The following WT1 variants were observed in gnomAD, a reference collection of about 807,000 sequenced individuals.
WT1 encodes WT1 transcription factor.
In WT1, 8 loss-of-function variants were observed where a neutral mutation model predicts 60.8. That is an observed-to-expected ratio of 0.13 (90% CI 0.08 to 0.24). The LOEUF (loss-of-function observed/expected upper bound fraction) is 0.24, where lower values mean the gene tolerates loss of function less well. Ranked by LOEUF, WT1 falls within the 10% of genes least tolerant of loss-of-function variation. WT1 has a pLI of 1.00. For synonymous variants in WT1, 312 were observed against 297.1 expected (o/e 1.05, Z -0.52); for missense variants, 568 against 711.8 (o/e 0.80, Z 2.30).
intron 3 of WT1, among the ~76,000 whole-genome samples, chr11:32,425,690 G>A (rs1222244675): frequency 6.6e-6 from 1 of 152,126 alleles, no homozygotes; most frequent in African/African-American, 2.4e-5. Flanking sequence ...CTTCCTACAG[G>A]GGTCACAAAT....
chr11:32,426,716 C>T (rs910959893), intron 3 of WT1, among the ~76,000 whole-genome samples: 1 of 152,188 alleles, frequency 6.6e-6, no homozygotes, highest in Non-Finnish European at 1.5e-5. Flanking sequence ...TTCTCCAGTC[C>T]GCGCGCCTCA....
chr11:32,429,796 CA>C, intron 1 of WT1, among the ~76,000 whole-genome samples: 1 of 152,090 alleles, frequency 6.6e-6, no homozygotes, highest in Middle Eastern at 3.4e-3. Flanking sequence ...CCAAACTTCA[CA>C]AAATTCTCAG....
Position 32,392,654 on chromosome 11 carries a change from G to T in WT1, c.1354+12C>A, listed in dbSNP as rs2132919107. 1.2e-6 allele frequency: 2 copies of T among 1,613,570 alleles called. No individual in the cohort carries two copies. Among genetic ancestry groups the T allele is most frequent in the South Asian group, 2.2e-5 (2 of 91,036 alleles). ...AACACAGCTGCCAGCAATGAGAAGT[G>T]AACCTACAAACCTGTATGTCTCCTT... On this transcript the variant is annotated intron_variant, in intron 8 of 9. Coordinates refer to ENST00000452863, the MANE Select transcript of WT1 (RefSeq NM_024426.6).
At chr11:32,420,253 C>T (rs563662485) in intron 3 of WT1, among the ~76,000 whole-genome samples, 28 of 152,182 alleles carry the variant, frequency 1.8e-4, no homozygotes, top group African/African-American at 6.5e-4. Flanking sequence ...ACATGTATGG[C>T]TTGTGTTATG....
At chr11:32,429,467 C>A (rs896807554) in intron 1 of WT1, among the ~76,000 whole-genome samples, 2 of 133,022 alleles carry the variant, frequency 1.5e-5, no homozygotes, top group Non-Finnish European at 1.8e-5. Context: ...AGCATTCCCC[C>A]CCCCCCCCAA....
chr11:32,431,530 G>A (rs1409684312), intron 1 of WT1, among the ~76,000 whole-genome samples: 1 of 150,694 alleles, frequency 6.6e-6, no homozygotes, highest in Non-Finnish European at 1.5e-5. Context: ...TCAGCCTCCC[G>A]GGTTCAAACG....
intron 4 of WT1, chr11:32,417,350 C>T (rs907975824): frequency 7.8e-5 from 44 of 560,836 alleles, no homozygotes; most frequent in Non-Finnish European, 1.2e-4. Flanking sequence ...AATAAGTGTC[C>T]TCAATATTCC....
At position 32,413,079 on chromosome 11, in the gene WT1, T is replaced by A. The variant is rs1438746511; in HGVS notation, c.1016+3411A>T. Among the ~76,000 whole-genome samples, 10 of 152,310 alleles carry A rather than the reference T, an allele frequency of 6.6e-5. No individual in the cohort carries two copies. The East Asian group carries it at 1.9e-3, about 29-fold the overall frequency. ...CCTATTCTTTGTGAAGCCACTTTTTTGAAACGAAACATTTTCAAGGAAAGA... is the reference window on the plus strand; with the variant it reads ...CCTATTCTTTGTGAAGCCACTTTTTAGAAACGAAACATTTTCAAGGAAAGA... On this transcript the variant is annotated intron_variant, in intron 5 of 9. Coordinates refer to ENST00000452863, the MANE Select transcript of WT1 (RefSeq NM_024426.6).
intron 3 of WT1, among the ~76,000 whole-genome samples, chr11:32,421,169 C>A (rs1310655293): frequency 1.3e-5 from 2 of 152,210 alleles, no homozygotes; most frequent in African/African-American, 4.8e-5. Context: ...CCGAAGCATG[C>A]TCAGGCTCTG....
intron 6 of WT1, among the ~76,000 whole-genome samples, chr11:32,397,278 A>G (rs540912896): frequency 6.6e-6 from 1 of 152,288 alleles, no homozygotes; most frequent in East Asian, 1.9e-4. Context: ...AATCAACCCC[A>G]AAGGCGGTGA....
rs775085343 is a variant in WT1 at position 32,417,597 on chromosome 11, G to A, written c.945C>T (p.Asn315=). The A allele has an allele frequency of 8.7e-6, 14 of 1,613,894 alleles. No homozygotes were observed. The highest frequency in any genetic ancestry group is 2.2e-5 in the East Asian group (1 of 44,862). ...CTTACCCCTTTAAGGTGGCTCCTAAGTTCATCTGATTCCAGGTCATGCATT... is the reference window on the plus strand; with the variant it reads ...CTTACCCCTTTAAGGTGGCTCCTAAATTCATCTGATTCCAGGTCATGCATT... Residue 315 remains asparagine, a synonymous_variant, in exon 4 of 10, where the codon AAC becomes AAT. Transcript: ENST00000452863.
At chr11:32,420,047 A>C (rs1026359047) in intron 3 of WT1, among the ~76,000 whole-genome samples, 16 of 152,200 alleles carry the variant, frequency 1.1e-4, no homozygotes, top group African/African-American at 3.9e-4. Context: ...TCTCAAATAC[A>C]AGGTCTATGT....
chr11:32,434,794 C>T lies in WT1; in HGVS notation c.567G>A (p.Pro189=), dbSNP rs141135091. The T allele has an allele frequency of 1.2e-6, 2 of 1,612,560 alleles. No homozygotes were observed. The highest frequency in any genetic ancestry group is 1.1e-5 in the South Asian group (1 of 91,014). The change falls in exon 1 of 10, where the codon CCG becomes CCA. Residue 189 remains proline (P), a synonymous_variant. Coordinates refer to ENST00000452863, the MANE Select transcript of WT1 (RefSeq NM_024426.6). ...CCTGGCCGGATGACGCCTGGCTGGG[C>T]GGAGGAGGACCGAAGGGCCCGTAGC...
At chr11:32,392,165 C>T (rs969226982) in intron 8 of WT1, 101 bp from the exon 9 acceptor site, 2 of 1,025,982 alleles carry the variant, frequency 1.9e-6, no homozygotes, top group South Asian at 2.5e-5. Flanking sequence ...GCATTTCCTG[C>T]CATGCCTGCA....
rs5030164 is a variant in WT1 at position 32,428,830 on chromosome 11, C to G, written c.662-211G>C. 1,557 of 687,218 alleles carry G rather than the reference C, an allele frequency of 2.3e-3. 15 individuals are homozygous for G. The African/African-American group carries it at 0.023, about 10-fold the overall frequency. The allele number at this position is 687,218 out of a possible 1,614,324, so 42.6% of individuals were successfully genotyped here. On this transcript the variant is annotated intron_variant, in intron 1 of 9. Coordinates refer to ENST00000452863, the MANE Select transcript of WT1 (RefSeq NM_024426.6). Reference sequence around the variant, plus strand: ...TGACCTTGGGACAGGCTTCTCCATCCTTTTCTGACTAAAACCCCCACCTCG... The same window carrying G: ...TGACCTTGGGACAGGCTTCTCCATCGTTTTCTGACTAAAACCCCCACCTCG...
At position 32,435,487 on chromosome 11, in the gene WT1, G is replaced by A; in HGVS notation, c.-127C>T. 1 of 1,415,492 alleles carries A rather than the reference G, an allele frequency of 7.1e-7. No homozygotes were observed. Among genetic ancestry groups the A allele is most frequent in the Non-Finnish European group, 9.4e-7 (1 of 1,059,210 alleles). The allele number at this position is 1,415,492 out of a possible 1,614,324, so 87.7% of individuals were successfully genotyped here. ...GGGGGAGCGGACAGGCGGTCGGGTT[G>A]CGGAGAGCCCCCGGGTGTGGGCGCT... On this transcript the variant is annotated 5_prime_UTR_variant, in exon 1 of 10. Coordinates refer to ENST00000452863, the MANE Select transcript of WT1 (RefSeq NM_024426.6).
At chr11:32,428,976 A>C (rs931699944) in intron 1 of WT1, 3 of 365,380 alleles carry the variant, frequency 8.2e-6, no homozygotes, top group East Asian at 6.3e-5. Flanking sequence ...TTCACCCCCC[A>C]AAAATAAACT....
intron 9 of WT1, among the ~76,000 whole-genome samples, chr11:32,390,044 C>T (rs888462022): frequency 6.6e-5 from 10 of 152,174 alleles, no homozygotes; most frequent in African/African-American, 2.4e-4. Flanking sequence ...GGTAGGACAT[C>T]TATTGAGGGC....
At position 32,428,700 on chromosome 11, in the gene WT1, G is replaced by C. The variant is rs944339650; in HGVS notation, c.662-81C>G. The C allele has an allele frequency of 5.4e-5, 83 of 1,549,634 alleles. No homozygotes were observed. In the Admixed American group the frequency reaches 1.5e-3, roughly 28 times the overall value. ...AGTGGGTCTGAACCAGCCACGGGCG[G>C]GGGGGGTGTGCGCTGAACCCCGCAT... On this transcript the variant is annotated intron_variant, in intron 1 of 9. Transcript: ENST00000452863.
Sources: allele counts gnomAD v4.1 joint callset (sites outside exome capture counted in the v4.1 genomes callset), GRCh38; gene constraint gnomAD v4.1.1; transcripts MANE v1.5; gene names NCBI Gene and HGNC (gene_info 2026-07-23, HGNC 2026-07-21).